The following PBRM1 variants were observed in gnomAD, a reference collection of about 807,000 sequenced individuals.
The protein encoded by PBRM1 is polybromo 1.
Under a neutral mutation model 194.5 loss-of-function variants are expected in PBRM1, and 27 were observed. The observed-to-expected ratio is 0.14, with a 90% confidence interval of 0.10 to 0.19. PBRM1 has a LOEUF of 0.19. PBRM1 is among the 10% of genes least tolerant of loss of function. PBRM1 has a pLI of 1.00. For synonymous variants in PBRM1, 655 were observed against 693.2 expected (o/e 0.94, Z 0.87); for missense variants, 1,466 against 2,077.2 (o/e 0.71, Z 5.72).
rs116567439 is a variant in PBRM1 at position 52,600,185 on chromosome 3, T to C, written c.2779+3336A>G. The stretch of plus-strand genomic sequence containing the variant: ...TCTCTTTTTATCTATTTGGGGATCT[T>C]TGACTCCTCTGTAACTGGATGTCTA... On this transcript the variant is annotated intron_variant, in intron 17 of 29. Transcript: ENST00000296302. Among the ~76,000 whole-genome samples the C allele has an allele frequency of 7.9e-3, 1,202 of 152,304 alleles. 11 individuals are homozygous for C. Among genetic ancestry groups the C allele is most frequent in the African/African-American group, 0.027 (1,127 of 41,558 alleles).
Position 52,549,902 on chromosome 3 carries a change from C to CAA in PBRM1, c.4897+517_4897+518dup, listed in dbSNP as rs775273816. ...CCTGGGCGACAGAGTGAGACTGTCT[C>CAA]AAAAAAAAAAAAACAACCCAAAAAC... On this transcript the variant is annotated intron_variant, in intron 29 of 29. Coordinates refer to ENST00000296302, the Ensembl canonical transcript of PBRM1. Among the ~76,000 whole-genome samples the CAA allele has an allele frequency of 9.1e-5, 11 of 120,548 alleles. 1 individual carries two copies. The highest frequency in any genetic ancestry group is 7.0e-5 in the Non-Finnish European group (4 of 56,838). 79.1% of individuals were successfully genotyped at this position (120,548 alleles called of 152,430 possible). A position where few individuals can be genotyped will look rare whatever the true frequency, so the allele number is the denominator to read the frequency against.
At chr3:52,654,493 G>A (rs1020736646) in intron 5 of PBRM1, among the ~76,000 whole-genome samples, 7 of 152,014 alleles carry the variant, frequency 4.6e-5, no homozygotes, top group African/African-American at 1.7e-4. Context: ...TGCTTGGGAC[G>A]GACTTACTAA....
intron 17 of PBRM1, among the ~76,000 whole-genome samples, chr3:52,598,992 A>C (rs1025270575): frequency 6.7e-6 from 1 of 148,236 alleles, no homozygotes; most frequent in East Asian, 2.0e-4. Context: ...ACTGCACTCC[A>C]GCCTCAGCAA....
upstream of PBRM1, among the ~76,000 whole-genome samples, chr3:52,683,865 T>TGAGACCTTCAAAAAAAAAA: frequency 1.9e-5 from 1 of 51,368 alleles, no homozygotes; most frequent in South Asian, 3.7e-4. Flanking sequence ...AAAAAAAGTT[T>TGAGACCTTCAAAAAAAAAA]ATTTGTATAG....
chr3:52,614,373 C>CAAAAAAAAAAAAAAA (rs1165930996), intron 15 of PBRM1, among the ~76,000 whole-genome samples: 1 of 40,918 alleles, frequency 2.4e-5, no homozygotes, highest in Non-Finnish European at 4.2e-5. Flanking sequence ...GATGCTTCAT[C>CAAAAAAAAAAAAAAA]AAAAAAAAAA....
chr3:52,567,358 C>A (rs1379757450), intron 22 of PBRM1, among the ~76,000 whole-genome samples: 1 of 151,792 alleles, frequency 6.6e-6, no homozygotes, highest in Admixed American at 6.5e-5. Context: ...GTGAATACAT[C>A]TGAAGCATAA....
At chr3:52,579,323 C>T in intron 20 of PBRM1, 124 bp from the exon 23 acceptor site, 1 of 855,620 alleles carries the variant, frequency 1.2e-6, no homozygotes, top group East Asian at 2.5e-5. Context: ...GGTTACGTGG[C>T]TCACGTAATC....
chr3:52,634,382 A>G (rs1245319429), intron 11 of PBRM1, among the ~76,000 whole-genome samples: 1 of 148,580 alleles, frequency 6.7e-6, no homozygotes, highest in African/African-American at 2.5e-5. Context: ...GGTTGCAGTG[A>G]GCCGAGATCA....
At position 52,664,404 on chromosome 3, in the gene PBRM1, A is replaced by G. The variant is rs2153955830; in HGVS notation, c.385-2128T>C. Among the ~76,000 whole-genome samples the G allele has an allele frequency of 2.1e-5, 3 of 142,322 alleles. No individual in the cohort carries two copies. In the South Asian group the frequency reaches 6.5e-4, roughly 31 times the overall value. The allele number at this position is 142,322 out of a possible 152,430, so 93.4% of individuals were successfully genotyped here. A position where few individuals can be genotyped will look rare whatever the true frequency, so the allele number is the denominator to read the frequency against. ...TTAAGAGATTTCACCAAGAAAATTG[A>G]AAGAACTGAAAAAAAAAAAAAAAAA... On this transcript the variant is annotated intron_variant, in intron 3 of 29. Transcript: ENST00000296302.
At chr3:52,680,903 C>G (rs1460652326), upstream of PBRM1, among the ~76,000 whole-genome samples, 1 of 151,774 alleles carries the variant, frequency 6.6e-6, no homozygotes, top group African/African-American at 2.4e-5. Flanking sequence ...TCGTGATCCG[C>G]CCGTCAAAGG....
chr3:52,664,667 G>A (rs2096795204), intron 3 of PBRM1, among the ~76,000 whole-genome samples: 1 of 151,554 alleles, frequency 6.6e-6, no homozygotes, highest in South Asian at 2.1e-4. Flanking sequence ...CCAGGAGGCA[G>A]AGGAAGCAGT....
exon 14 of PBRM1, chr3:52,617,291 C>T (rs1158451345): frequency 6.2e-7 from 1 of 1,613,822 alleles, no homozygotes; most frequent in Non-Finnish European, 8.5e-7. Context: ...TAGTGCCTGG[C>T]ATTCCGGAAC....
At chr3:52,672,840 G>A (rs557545996) in intron 2 of PBRM1, among the ~76,000 whole-genome samples, 1 of 151,986 alleles carries the variant, frequency 6.6e-6, no homozygotes, top group African/African-American at 2.4e-5. Flanking sequence ...TTGACAGCAA[G>A]AGAGGAAAGA....
chr3:52,551,760 C>T (rs1009809485), intron 27 of PBRM1: 1 of 152,184 alleles, frequency 6.6e-6, no homozygotes, highest in Admixed American at 6.5e-5. Context: ...GTAGAAGAAT[C>T]GAGAGGAGGT....
chr3:52,628,185 C>T (rs1313199072), intron 12 of PBRM1, among the ~76,000 whole-genome samples: 2 of 151,970 alleles, frequency 1.3e-5, no homozygotes, highest in Non-Finnish European at 2.9e-5. Flanking sequence ...ATCAGCCCTA[C>T]TTTAACAAAG....
chr3:52,679,664 G>A (rs751747102), exon 1 of PBRM1: 15 of 1,613,436 alleles, frequency 9.3e-6, no homozygotes, highest in East Asian at 8.9e-5. Flanking sequence ...CAAAGTCCCC[G>A]CTGACACTGC....
Position 52,559,050 on chromosome 3 carries a change from A to C in PBRM1, c.4289-637T>G, listed in dbSNP as rs945249029. 3.3e-5 allele frequency among the ~76,000 whole-genome samples: 5 copies of C among 152,198 alleles called. No homozygotes were observed. In the East Asian group the frequency reaches 9.6e-4, roughly 29 times the overall value. ...CATGTTTAATAAACCCCAAAGGAAA[A>C]AAATGCATTATACTTCAGGCTACAA... On this transcript the variant is annotated intron_variant, in intron 25 of 29. Transcript: ENST00000296302.
intron 13 of PBRM1, among the ~76,000 whole-genome samples, chr3:52,618,474 T>C (rs997501985): frequency 3.2e-4 from 49 of 152,168 alleles, no homozygotes; most frequent in African/African-American, 9.7e-5. Flanking sequence ...ACTATTCTTA[T>C]GTACTCAGGG....
At chr3:52,675,398 C>A (rs2097075789) in intron 2 of PBRM1, among the ~76,000 whole-genome samples, 1 of 152,174 alleles carries the variant, frequency 6.6e-6, no homozygotes, top group Admixed American at 6.5e-5. Context: ...CAAAGCCAGA[C>A]AAAGATACTA....
Sources: allele counts gnomAD v4.1 joint callset (sites outside exome capture counted in the v4.1 genomes callset), GRCh38; gene constraint gnomAD v4.1.1; transcripts MANE v1.5; gene names NCBI Gene and HGNC (gene_info 2026-07-23, HGNC 2026-07-21).